The following TSHZ2 variants were observed in gnomAD, a reference collection of about 807,000 sequenced individuals.
The protein encoded by TSHZ2 is teashirt zinc finger homeobox 2.
A neutral mutation model predicts 74.4 loss-of-function variants in TSHZ2; 21 were observed. The observed-to-expected ratio is 0.28, with a 90% CI of 0.20 to 0.41. The LOEUF is 0.41. Ranked by LOEUF, TSHZ2 falls within the 10% of genes least tolerant of loss-of-function variation. The pLI, the probability that TSHZ2 is intolerant of heterozygous loss-of-function variation, is 1.00. For synonymous variants in TSHZ2, 540 were observed against 515.3 expected (o/e 1.05, Z -0.65); for missense variants, 1,244 against 1,293.5 (o/e 0.96, Z 0.59).
intron 1 of TSHZ2, among the ~76,000 whole-genome samples, chr20:53,011,213 G>T (rs921227074): frequency 2.0e-5 from 3 of 152,122 alleles, no homozygotes; most frequent in Non-Finnish European, 4.4e-5. Context: ...AGCTAAGCAG[G>T]GGTGTCATGA....
chr20:53,176,612 C>A (rs1988344610), intron 1 of TSHZ2, among the ~76,000 whole-genome samples: 1 of 151,964 alleles, frequency 6.6e-6, no homozygotes, highest in African/African-American at 2.4e-5. Flanking sequence ...TCAAGAGTAA[C>A]AGGATATTAG....
chr20:53,474,982 A>G (rs1600669075), intron 2 of TSHZ2, among the ~76,000 whole-genome samples: 1 of 138,956 alleles, frequency 7.2e-6, no homozygotes, highest in South Asian at 2.4e-4. Flanking sequence ...TATGCACCCA[A>G]TACAGGAGCA....
intron 1 of TSHZ2, among the ~76,000 whole-genome samples, chr20:53,148,604 T>A (rs148419696): frequency 6.6e-6 from 1 of 152,104 alleles, no homozygotes; most frequent in East Asian, 1.9e-4. Flanking sequence ...GTGGTTTTGA[T>A]TGAAAGAAAA....
At chr20:53,171,511 G>A (rs939992450) in intron 1 of TSHZ2, among the ~76,000 whole-genome samples, 5 of 151,366 alleles carry the variant, frequency 3.3e-5, no homozygotes, top group African/African-American at 1.2e-4. Context: ...ATTTTCATGT[G>A]TTGTGCACTT....
intron 2 of TSHZ2, among the ~76,000 whole-genome samples, chr20:53,410,659 A>G (rs1234507873): frequency 6.7e-6 from 1 of 148,242 alleles, no homozygotes; most frequent in Non-Finnish European, 1.5e-5. Context: ...TGTAAAATCC[A>G]TGGTATTGAT....
chr20:53,113,599 A>G (rs1986592050), intron 1 of TSHZ2, among the ~76,000 whole-genome samples: 1 of 152,202 alleles, frequency 6.6e-6, no homozygotes, highest in Non-Finnish European at 1.5e-5. Flanking sequence ...AGAAGTTCTA[A>G]AGAGAGGTTT....
intron 2 of TSHZ2, among the ~76,000 whole-genome samples, chr20:53,392,679 G>A (rs950353811): frequency 1.2e-4 from 18 of 152,054 alleles, no homozygotes; most frequent in Admixed American, 9.8e-4. Context: ...ATTCTTTTTA[G>A]CATTGTATTC....
chr20:53,397,258 A>T (rs143442657), intron 2 of TSHZ2, among the ~76,000 whole-genome samples: 14,114 of 152,104 alleles, frequency 0.093, 1,746 homozygotes, highest in African/African-American at 0.28. Flanking sequence ...GAATCTACAA[A>T]GAACTTAAAC....
intron 1 of TSHZ2, among the ~76,000 whole-genome samples, chr20:53,163,508 T>C (rs2123469151): frequency 6.6e-6 from 1 of 151,972 alleles, no homozygotes; most frequent in East Asian, 1.9e-4. Context: ...ATTGTGCAGG[T>C]TAGTTACATA....
chr20:52,981,988 A>G (rs893234187), intron 1 of TSHZ2, among the ~76,000 whole-genome samples: 1 of 152,244 alleles, frequency 6.6e-6, no homozygotes, highest in Non-Finnish European at 1.5e-5. Context: ...GAGAATATAC[A>G]AAGAAATTTA....
chr20:53,463,462 GGTTGGCTT>G (rs1985462213), intron 2 of TSHZ2, among the ~76,000 whole-genome samples: 1 of 145,114 alleles, frequency 6.9e-6, no homozygotes, highest in East Asian at 2.0e-4. Flanking sequence ...AAGGAAGGAA[GGTTGGCTT>G]AGGGGGTAGG....
At chr20:53,474,004 A>C (rs1381548829) in intron 2 of TSHZ2, among the ~76,000 whole-genome samples, 3 of 151,734 alleles carry the variant, frequency 2.0e-5, no homozygotes, top group African/African-American at 7.3e-5. Flanking sequence ...ATATGGGACT[A>C]TGTGAAAAGA....
chr20:53,162,131 C>A (rs186362703), intron 1 of TSHZ2, among the ~76,000 whole-genome samples: 4 of 152,248 alleles, frequency 2.6e-5, no homozygotes, highest in Admixed American at 2.6e-4. Flanking sequence ...ATTTTTCTAA[C>A]CCTTCCAAGA....
At chr20:53,113,379 C>T (rs1028951946) in intron 1 of TSHZ2, among the ~76,000 whole-genome samples, 4 of 152,154 alleles carry the variant, frequency 2.6e-5, no homozygotes, top group Admixed American at 1.3e-4. Flanking sequence ...CGTTTATCTC[C>T]CTGAAATAGT....
Position 53,254,092 on chromosome 20 carries a change from G to A in TSHZ2, c.634G>A (p.Ala212Thr). The A allele has an allele frequency of 6.2e-7, 1 of 1,614,112 alleles. No homozygotes were observed. Among genetic ancestry groups the A allele is most frequent in the Non-Finnish European group, 8.5e-7 (1 of 1,180,044 alleles). ...SKMCGTVFTG[A>T]SRFRCRQCSA... ...GATGTGCGGGACTGTGTTCACAGGG[G>A]CCAGCAGATTCCGATGCCGACAGTG... is the stretch of plus-strand genomic sequence containing the variant. The change falls in exon 2 of 3, where the codon GCC becomes ACC. Residue 212 changes from alanine to threonine, a missense_variant. Physicochemically the swap from Ala to Thr is moderately conservative, Grantham distance 58. Around this residue, in one of 6 missense-constraint regions of TSHZ2, gnomAD observed 470 missense variants for 456.5 expected, o/e 1.03. Coordinates refer to ENST00000371497, the MANE Select transcript of TSHZ2 (RefSeq NM_173485.6).
intron 1 of TSHZ2, among the ~76,000 whole-genome samples, chr20:53,099,653 C>T (rs148503198): frequency 6.4e-4 from 97 of 152,244 alleles, no homozygotes; most frequent in African/African-American, 2.1e-3. Flanking sequence ...TGGCGGAAGG[C>T]GAAAGGCATG....
intron 2 of TSHZ2, among the ~76,000 whole-genome samples, chr20:53,360,551 G>A (rs1410066649): frequency 6.6e-6 from 1 of 152,172 alleles, no homozygotes; most frequent in East Asian, 1.9e-4. Flanking sequence ...AATGCACAAC[G>A]AGTGATATTT....
intron 1 of TSHZ2, among the ~76,000 whole-genome samples, chr20:53,204,255 G>GATGATATGATACTATATCATCATATT (rs1989095549): frequency 7.8e-6 from 1 of 127,612 alleles, no homozygotes; most frequent in African/African-American, 3.0e-5. Flanking sequence ...ATCATCATAT[G>GATGATATGATACTATATCATCATATT]ATGATATGAT....
intron 2 of TSHZ2, among the ~76,000 whole-genome samples, chr20:53,264,016 C>T (rs1329984303): frequency 6.6e-6 from 1 of 152,196 alleles, no homozygotes; most frequent in Admixed American, 6.5e-5. Context: ...GGTCACCCTG[C>T]TCTCCTGATA....
Sources: gnomAD v4.1 joint callset for allele counts (sites outside exome capture counted in the v4.1 genomes callset) on GRCh38, gnomAD v4.1.1 for gene constraint, gnomAD v4.1.1 regional missense constraint, MANE v1.5 for transcripts, NCBI Gene and HGNC (gene_info 2026-07-23, HGNC 2026-07-21) for gene names.